MSRB3: variants seen among roughly 807,000 people sequenced by gnomAD.
The protein encoded by MSRB3 is methionine-R-sulfoxide reductase B3.
MSRB3 carries 13 observed loss-of-function variants against 21.0 expected under a neutral mutation model. The ratio of observed to expected loss-of-function variants is 0.62; its 90% confidence interval spans 0.40 to 0.98. MSRB3 has a LOEUF of 0.98. MSRB3 is among the 50% of genes least tolerant of loss of function. The probability of loss-of-function intolerance (pLI) is 0.00; values close to 1 mark genes in which losing one functional copy is unlikely to be tolerated. For synonymous variants in MSRB3, 87 were observed against 88.6 expected, an observed-to-expected ratio of 0.98 and a Z score of 0.10; for missense variants, 199 against 230.3, an observed-to-expected ratio of 0.86 and a Z score of 0.88.
intron 5 of MSRB3, among the ~76,000 whole-genome samples, chr12:65,428,555 G>T (rs1565887839): frequency 6.6e-6 from 1 of 152,080 alleles, no homozygotes; most frequent in Non-Finnish European, 1.5e-5. Context: ...ATAGACTCAG[G>T]CCCTTCCTTA....
At chr12:65,295,131 T>G (rs1872885667) in intron 1 of MSRB3, among the ~76,000 whole-genome samples, 1 of 152,214 alleles carries the variant, frequency 6.6e-6, no homozygotes, top group South Asian at 2.1e-4. Flanking sequence ...TGCCTGACCT[T>G]CCATGTTTTA....
chr12:65,403,040 G>A (rs1880217580), intron 5 of MSRB3, among the ~76,000 whole-genome samples: 1 of 152,156 alleles, frequency 6.6e-6, no homozygotes, highest in African/African-American at 2.4e-5. Flanking sequence ...GGTGTCTGTC[G>A]ACCTCTGCTA....
intron 5 of MSRB3, among the ~76,000 whole-genome samples, chr12:65,418,340 TG>T (rs934432132): frequency 1.8e-4 from 27 of 152,162 alleles, no homozygotes; most frequent in Non-Finnish European, 2.1e-4. Flanking sequence ...GTTTTTAAAT[TG>T]GGTTATTTGT....
chr12:65,289,691 C>A (rs1872570321), intron 1 of MSRB3, among the ~76,000 whole-genome samples: 1 of 152,012 alleles, frequency 6.6e-6, no homozygotes, highest in Non-Finnish European at 1.5e-5. Context: ...ATTTTTCAAT[C>A]CTCACCCATC....
At chr12:65,354,819 T>A (rs1274650235) in intron 4 of MSRB3, among the ~76,000 whole-genome samples, 1 of 151,832 alleles carries the variant, frequency 6.6e-6, no homozygotes, top group Non-Finnish European at 1.5e-5. Flanking sequence ...AAAGTAAGAT[T>A]TTGAAGATGT....
intron 5 of MSRB3, among the ~76,000 whole-genome samples, chr12:65,440,286 C>A: frequency 6.7e-6 from 1 of 150,298 alleles, no homozygotes; most frequent in South Asian, 2.1e-4. Flanking sequence ...GCCCAGAAAC[C>A]GCAAAAAAAA....
intron 5 of MSRB3, among the ~76,000 whole-genome samples, chr12:65,387,942 T>C (rs769325127): frequency 1.3e-5 from 2 of 152,308 alleles, no homozygotes. Flanking sequence ...AGAAAATTGT[T>C]CTTCACAACA....
chr12:65,460,366 C>T (rs962593822), intron 6 of MSRB3, among the ~76,000 whole-genome samples: 3 of 152,092 alleles, frequency 2.0e-5, no homozygotes, highest in Non-Finnish European at 2.9e-5. Context: ...AAGGCTTGTG[C>T]GCTTTTCAAA....
chr12:65,358,220 T>C (rs1288111576), intron 4 of MSRB3, among the ~76,000 whole-genome samples: 1 of 151,870 alleles, frequency 6.6e-6, no homozygotes, highest in African/African-American at 2.4e-5. Context: ...TGGGCTATAG[T>C]GATCCTTCCA....
At chr12:65,335,827 A>G (rs1393423298) in intron 4 of MSRB3, among the ~76,000 whole-genome samples, 4 of 152,344 alleles carry the variant, frequency 2.6e-5, no homozygotes, top group Non-Finnish European at 5.9e-5. Flanking sequence ...AATTGCTCAT[A>G]ATTCCAGAAA....
chr12:65,403,517 G>T (rs1592604292), intron 5 of MSRB3, among the ~76,000 whole-genome samples: 1 of 152,184 alleles, frequency 6.6e-6, no homozygotes, highest in Non-Finnish European at 1.5e-5. Context: ...AGAATTTTGA[G>T]CCAGTGGATC....
In MSRB3 at chr12:65,327,626, G is replaced by A. The variant is rs535385491; in HGVS notation, c.185+692G>A. Among the ~76,000 whole-genome samples the A allele has an allele frequency of 1.4e-4, 21 of 152,302 alleles. No individual in the cohort carries two copies. In the South Asian group the frequency reaches 2.7e-3, roughly 20 times the overall value. Reference sequence around the variant, plus strand: ...TCTAATTTATACCATGGAGCTTGGCGTAAGACCGTAGCTTACCTCTGATCC... The same window carrying A: ...TCTAATTTATACCATGGAGCTTGGCATAAGACCGTAGCTTACCTCTGATCC... On this transcript the variant is annotated intron_variant, in intron 3 of 6. Transcript: ENST00000308259.
intron 2 of MSRB3, among the ~76,000 whole-genome samples, chr12:65,315,692 A>C (rs920177625): frequency 4.7e-5 from 7 of 148,824 alleles, no homozygotes; most frequent in Admixed American, 6.6e-5. Context: ...AAAAAAAAAA[A>C]ACCCATGAAA....
intron 6 of MSRB3, among the ~76,000 whole-genome samples, chr12:65,461,400 A>G (rs189835186): frequency 1.3e-5 from 2 of 152,352 alleles, no homozygotes; most frequent in African/African-American, 2.4e-5. Context: ...ATGTGGTAAA[A>G]TAATACAAGA....
intron 5 of MSRB3, among the ~76,000 whole-genome samples, chr12:65,411,531 T>C (rs1880715154): frequency 6.6e-6 from 1 of 152,132 alleles, no homozygotes; most frequent in Non-Finnish European, 1.5e-5. Context: ...ATAATCACCA[T>C]ATCTTTATGA....
chr12:65,345,853 A>G (rs890117943), intron 4 of MSRB3, among the ~76,000 whole-genome samples: 88 of 151,972 alleles, frequency 5.8e-4, no homozygotes, highest in African/African-American at 1.9e-3. Flanking sequence ...TGTCCTTGTG[A>G]TAGTTTGCTG....
intron 5 of MSRB3, among the ~76,000 whole-genome samples, chr12:65,448,654 A>T (rs374282898): frequency 7.2e-5 from 11 of 152,208 alleles, no homozygotes; most frequent in African/African-American, 2.2e-4. Context: ...AGAACTTGAA[A>T]TGTGGCTAGT....
At chr12:65,378,611 A>T in intron 5 of MSRB3, among the ~76,000 whole-genome samples, 1 of 152,222 alleles carries the variant, frequency 6.6e-6, no homozygotes. Context: ...GCCATTAAAA[A>T]GGTTGCTGGC....
rs191315645 is a variant in MSRB3, at chr12:65,312,970, C to T, written c.76+4315C>T. On this transcript the variant is annotated intron_variant, in intron 2 of 6. Transcript: ENST00000308259. ...AATTTATTGTCTGACAATTTTTTCT[C>T]ACTTTATTGCATTAATACAATACAG... Among the ~76,000 whole-genome samples the T allele has an allele frequency of 3.6e-3, 544 of 152,094 alleles. 5 individuals carry two copies. The highest frequency in any genetic ancestry group is 0.012 in the African/African-American group (512 of 41,526).
Sources: allele counts gnomAD v4.1 joint callset (sites outside exome capture counted in the v4.1 genomes callset), GRCh38; gene constraint gnomAD v4.1.1; transcripts MANE v1.5; gene names NCBI Gene and HGNC (gene_info 2026-07-23, HGNC 2026-07-21).